The following HPRT1 variants were observed in gnomAD, a reference collection of about 807,000 sequenced individuals.
HPRT1 encodes the protein hypoxanthine-guanine phosphoribosyltransferase.
In HPRT1, 4 loss-of-function variants were observed where a neutral mutation model predicts 19.0. The ratio of observed to expected loss-of-function variants is 0.21; its 90% CI spans 0.10 to 0.48. The LOEUF (loss-of-function observed/expected upper bound fraction) is 0.48, where lower values mean the gene tolerates loss of function less well. Ranked by LOEUF, HPRT1 falls within the 20% of genes least tolerant of loss-of-function variation. HPRT1 has a pLI of 0.98. For synonymous variants in HPRT1, 53 were observed against 54.9 expected (o/e 0.97, Z 0.15); for missense variants, 65 against 164.0 (o/e 0.40, Z 3.30).
chrX:134,464,009 A>T (rs1569352969), intron 1 of HPRT1, among the ~76,000 whole-genome samples: 1 of 108,868 alleles, frequency 9.2e-6, no homozygotes. Context: ...GATAAGTATA[A>T]TTTTTTTTTT....
intron 2 of HPRT1, 41 bp from the exon 3 acceptor site, chrX:134,475,135 TTAATG>T: frequency 9.7e-7 from 1 of 1,026,840 alleles, no homozygotes; most frequent in Non-Finnish European, 1.4e-6. Context: ...GTTATAAAGT[TTAATG>T]TATGAAACTT....
chrX:134,461,618 C>T (rs1278684068), intron 1 of HPRT1, among the ~76,000 whole-genome samples: 1 of 112,163 alleles, frequency 8.9e-6, no homozygotes, highest in Non-Finnish European at 1.9e-5. Flanking sequence ...CTATGTGAAT[C>T]AGCAACCCTT....
At chrX:134,494,582 G>A (rs777354041) in intron 6 of HPRT1, among the ~76,000 whole-genome samples, 14 of 111,523 alleles carry the variant, frequency 1.3e-4, no homozygotes, top group Non-Finnish European at 2.5e-4. Flanking sequence ...ATAGATTTGG[G>A]ACAGGTACTA....
intron 3 of HPRT1, among the ~76,000 whole-genome samples, chrX:134,483,997 C>T (rs889294800): frequency 9.0e-6 from 1 of 111,311 alleles, no homozygotes; most frequent in Non-Finnish European, 1.9e-5. Context: ...TAGTGAGATC[C>T]TGTCTCTATT....
chrX:134,471,112 A>C, intron 1 of HPRT1, among the ~76,000 whole-genome samples: 1 of 109,814 alleles, frequency 9.1e-6, no homozygotes. Flanking sequence ...ATCCTTTAAA[A>C]ATTTCCCATA....
At chrX:134,491,741 T>A (rs1313000599) in intron 5 of HPRT1, among the ~76,000 whole-genome samples, 6 of 107,959 alleles carry the variant, frequency 5.6e-5, no homozygotes, top group Admixed American at 5.1e-4. Flanking sequence ...TTTTAATTTT[T>A]ATTTTTTTTA....
chrX:134,496,550 G>A (rs1280916748), intron 6 of HPRT1, among the ~76,000 whole-genome samples: 1 of 112,024 alleles, frequency 8.9e-6, no homozygotes, highest in South Asian at 3.7e-4. Flanking sequence ...GAGCATTCCT[G>A]AGTTCAGGTA....
chrX:134,462,202 T>C (rs17879389), intron 1 of HPRT1, among the ~76,000 whole-genome samples: 1,581 of 111,000 alleles, frequency 0.014, 31 homozygotes, highest in African/African-American at 0.049. Flanking sequence ...TTTTTTGAGA[T>C]GGAGTTTCGC....
chrX:134,478,170 A>G (rs1279408077), intron 3 of HPRT1, among the ~76,000 whole-genome samples: 1 of 112,212 alleles, frequency 8.9e-6, no homozygotes, highest in Non-Finnish European at 1.9e-5. Flanking sequence ...ACAGTGAGTT[A>G]AAATCTGGCT....
intron 1 of HPRT1, among the ~76,000 whole-genome samples, chrX:134,464,686 T>C (rs17884897): frequency 0.022 from 2,463 of 111,176 alleles, 25 homozygotes; most frequent in Non-Finnish European, 0.034. Flanking sequence ...CAAGCGATTC[T>C]CCTGCCTGAG....
intron 1 of HPRT1, among the ~76,000 whole-genome samples, chrX:134,462,778 A>T (rs1055537195): frequency 2.7e-5 from 3 of 112,334 alleles, no homozygotes; most frequent in Middle Eastern, 4.6e-3. Flanking sequence ...TCTTTCCCTT[A>T]AATTGTTTGC....
At chrX:134,483,297 A>G (rs1043569090) in intron 3 of HPRT1, among the ~76,000 whole-genome samples, 1 of 111,373 alleles carries the variant, frequency 9.0e-6, no homozygotes, top group Middle Eastern at 4.6e-3. Context: ...TTTCTATACC[A>G]TGCTGCAGTT....
rs1210284744 is a variant in HPRT1 at position 134,500,308 on chromosome X, A to G, written c.*231A>G. On this transcript the variant is annotated 3_prime_UTR_variant, in exon 9 of 9. Coordinates refer to ENST00000298556, the MANE Select transcript of HPRT1 (RefSeq NM_000194.3). ...TTCCCTTTGGGCGGATTGTTGTTTA[A>G]CTTGTAAATGAAAAAATTCTCTTAA... is the stretch of plus-strand genomic sequence containing the variant. 4 of 371,407 alleles carry G rather than the reference A, an allele frequency of 1.1e-5. No homozygotes were observed. Among genetic ancestry groups the G allele is most frequent in the Non-Finnish European group, 1.9e-5 (4 of 214,983 alleles). 30.6% of individuals were successfully genotyped at this position (371,407 alleles called of 1,213,427 possible).
At chrX:134,493,458 T>C (rs371416162) in intron 5 of HPRT1, 50 bp from the exon 6 acceptor site, 74 of 903,961 alleles carry the variant, frequency 8.2e-5, no homozygotes, top group East Asian at 7.8e-4. Flanking sequence ...TTTGGTACTT[T>C]ATATTGTGAC....
At chrX:134,467,761 G>A (rs1424469084) in intron 1 of HPRT1, among the ~76,000 whole-genome samples, 1 of 106,123 alleles carries the variant, frequency 9.4e-6, no homozygotes, top group African/African-American at 3.4e-5. Context: ...CTGAGACAGA[G>A]TTTGAGTTCT....
chrX:134,483,967 C>T (rs936088538), intron 3 of HPRT1, among the ~76,000 whole-genome samples: 2 of 111,612 alleles, frequency 1.8e-5, no homozygotes, highest in East Asian at 2.8e-4. Flanking sequence ...TCCAGGAGTT[C>T]AAGACCAGCC....
intron 1 of HPRT1, among the ~76,000 whole-genome samples, chrX:134,472,014 C>T (rs1381600033): frequency 1.8e-5 from 2 of 110,535 alleles, no homozygotes; most frequent in African/African-American, 3.3e-5. Flanking sequence ...CTGTTGTCCA[C>T]GCTGGAGTGC....
intron 4 of HPRT1, among the ~76,000 whole-genome samples, chrX:134,489,440 T>C (rs2077661268): frequency 1.8e-5 from 2 of 111,848 alleles, no homozygotes; most frequent in South Asian, 3.7e-4. Flanking sequence ...GCTATAGTTA[T>C]ATGACAGAGT....
chrX:134,483,287 T>A (rs752160578), intron 3 of HPRT1, among the ~76,000 whole-genome samples: 16 of 111,724 alleles, frequency 1.4e-4, no homozygotes, highest in Non-Finnish European at 2.3e-4. Flanking sequence ...TCCTCCTCTT[T>A]TTCTATACCA....
Sources: gnomAD v4.1 joint callset for allele counts (sites outside exome capture counted in the v4.1 genomes callset) on GRCh38, gnomAD v4.1.1 for gene constraint, MANE v1.5 for transcripts, NCBI Gene and HGNC (gene_info 2026-07-23, HGNC 2026-07-21) for gene names.